The following AVEN variants were observed in gnomAD, a reference collection of about 807,000 sequenced individuals.
AVEN encodes cell death regulator Aven.
AVEN carries 41 observed loss-of-function variants against 38.1 expected under a neutral mutation model. The observed-to-expected ratio is 1.08, with a 90% CI of 0.84 to 1.40. The LOEUF is 1.40. Among genes scored for constraint, AVEN ranks in the 40% most tolerant of loss-of-function variants. AVEN has a pLI of 0.00. For missense variants in AVEN, 605 were observed against 438.8 expected (o/e 1.38, Z -3.38); for synonymous variants, 206 against 171.8 (o/e 1.20, Z -1.56).
chr15:34,027,303 T>C (rs1212321078), intron 1 of AVEN, among the ~76,000 whole-genome samples: 3 of 151,852 alleles, frequency 2.0e-5, no homozygotes, highest in Non-Finnish European at 1.5e-5. Flanking sequence ...TCACCTGAGG[T>C]CAGGAGTTCA....
intron 2 of AVEN, among the ~76,000 whole-genome samples, chr15:33,980,689 C>T (rs150613969): frequency 1.3e-5 from 2 of 152,284 alleles, no homozygotes; most frequent in African/African-American, 2.4e-5. Context: ...ACCTGCCCCA[C>T]AACTTGGCCC....
At chr15:34,041,861 C>G (rs1899489036), upstream of AVEN, among the ~76,000 whole-genome samples, 1 of 152,150 alleles carries the variant, frequency 6.6e-6, no homozygotes, top group South Asian at 2.1e-4. Flanking sequence ...TATACCAGTA[C>G]AGTCTAATTC....
Position 34,063,558 on chromosome 15 carries a change from A to T in AVEN, n.1127-126T>A, listed in dbSNP as rs914764876. 5 of 1,613,486 alleles carry T rather than the reference A, an allele frequency of 3.1e-6. No individual in the cohort carries two copies. The Admixed American group carries it at 8.3e-5, about 27-fold the overall frequency. ...ATCCTCCCGCAGGAGCACCTCCACC[A>T]CTGGGAAGCCATCCCAAGCCACTGG... On this transcript the variant is annotated intron_variant and non_coding_transcript_variant, in intron 4 of 11. Coordinates refer to the AVEN transcript ENST00000675287. This position sits in a 1 kb window ranked among gnomAD's most constrained non-coding sequence, Gnocchi z 4.1.
chr15:33,958,720 C>T (rs1895056525), intron 2 of AVEN, among the ~76,000 whole-genome samples: 1 of 152,154 alleles, frequency 6.6e-6, no homozygotes. Context: ...TCTATTTATA[C>T]TCTTTCTAAT....
At chr15:33,990,068 G>A (rs1162843803) in intron 2 of AVEN, among the ~76,000 whole-genome samples, 3 of 151,954 alleles carry the variant, frequency 2.0e-5, no homozygotes, top group African/African-American at 7.3e-5. Context: ...GCCGGGCGTG[G>A]TGGTGGGCGC....
chr15:34,063,857 G>T lies in AVEN; in HGVS notation n.1127-425C>A, dbSNP rs1161528987. 6.2e-7 allele frequency: 1 copy of T among 1,614,178 alleles called. No homozygotes were observed. The highest frequency in any genetic ancestry group is 8.5e-7 in the Non-Finnish European group (1 of 1,180,038). On this transcript the variant is annotated intron_variant and non_coding_transcript_variant, in intron 4 of 11. Coordinates refer to the AVEN transcript ENST00000675287. This position sits in a 1 kb window ranked among gnomAD's most constrained non-coding sequence, Gnocchi z 4.1. ...AGAGTCAGAAATGTGTGGCCTATAAGTTCCGATTGGTGGTAAAAGCTGACG... is the reference window on the plus strand; with the variant it reads ...AGAGTCAGAAATGTGTGGCCTATAATTTCCGATTGGTGGTAAAAGCTGACG...
downstream of AVEN, chr15:33,854,435 GT>G: frequency 6.3e-7 from 1 of 1,575,124 alleles, no homozygotes; most frequent in Non-Finnish European, 8.6e-7. Context: ...GCTTGGAGTT[GT>G]TTTTACTGAC....
chr15:33,859,088 C>A, exon 12 of AVEN: 1 of 154,558 alleles, frequency 6.5e-6, no homozygotes, highest in Non-Finnish European at 1.4e-5. Context: ...CCTAGATTGG[C>A]TCAAACCTGC....
At chr15:33,947,282 C>T (rs76626421) in intron 2 of AVEN, among the ~76,000 whole-genome samples, 4,590 of 152,212 alleles carry the variant, frequency 0.03, 199 homozygotes, top group African/African-American at 0.1. Flanking sequence ...AACCAAACAA[C>T]GAATGCTCCC....
intron 11 of AVEN, chr15:33,859,828 G>A (rs2080138070): frequency 7.8e-7 from 1 of 1,275,596 alleles, no homozygotes; most frequent in Non-Finnish European, 1.1e-6. Context: ...AGAAGCGTGT[G>A]AATTCATTTA....
chr15:33,997,251 A>G (rs894278530), intron 2 of AVEN, among the ~76,000 whole-genome samples: 6 of 152,212 alleles, frequency 3.9e-5, no homozygotes, highest in Non-Finnish European at 7.3e-5. Context: ...AGTGAATCTC[A>G]TATCAGGAGA....
intron 11 of AVEN, among the ~76,000 whole-genome samples, chr15:33,860,068 A>G (rs2080171774): frequency 6.6e-6 from 1 of 152,110 alleles, no homozygotes; most frequent in Admixed American, 6.6e-5. Context: ...GAGGTAGGGT[A>G]GGAGCAGAGG....
At chr15:33,924,687 G>A (rs1380002286) in intron 2 of AVEN, among the ~76,000 whole-genome samples, 1 of 152,112 alleles carries the variant, frequency 6.6e-6, no homozygotes, top group Non-Finnish European at 1.5e-5. Context: ...CGTTCATGGA[G>A]TTTTTCAAAG....
chr15:34,017,485 T>TG (rs1897973887), intron 1 of AVEN, among the ~76,000 whole-genome samples: 2 of 24,400 alleles, frequency 8.2e-5, no homozygotes. Context: ...TTTTTTTTTG[T>TG]TTTTTTTTTT....
intron 3 of AVEN, among the ~76,000 whole-genome samples, chr15:33,872,985 C>A (rs888504034): frequency 1.3e-5 from 2 of 152,080 alleles, no homozygotes; most frequent in East Asian, 3.9e-4. Flanking sequence ...AGCCGTGACG[C>A]CCGGTCCCTC....
At chr15:33,862,244 A>G (rs1005040468), downstream of AVEN, among the ~76,000 whole-genome samples, 5 of 152,014 alleles carry the variant, frequency 3.3e-5, no homozygotes, top group East Asian at 1.9e-4. Context: ...TAGGGTCTCA[A>G]CCCCGTTGCC....
At chr15:33,900,312 T>A (rs866261586) in intron 2 of AVEN, among the ~76,000 whole-genome samples, 10,704 of 144,410 alleles carry the variant, frequency 0.074, 509 homozygotes, top group African/African-American at 0.12. Context: ...GAGAACATTT[T>A]TTTTTTTTTT....
At chr15:33,944,012 G>C (rs960679540) in intron 2 of AVEN, among the ~76,000 whole-genome samples, 1 of 151,936 alleles carries the variant, frequency 6.6e-6, no homozygotes, top group South Asian at 2.1e-4. Context: ...AGGATTACAC[G>C]CATGAACCAC....
At chr15:33,922,699 G>C (rs1178480715) in intron 2 of AVEN, among the ~76,000 whole-genome samples, 1 of 152,184 alleles carries the variant, frequency 6.6e-6, no homozygotes, top group African/African-American at 2.4e-5. Context: ...CTAATCACAA[G>C]TGCTGTGATT....
Sources: allele counts gnomAD v4.1 joint callset (sites outside exome capture counted in the v4.1 genomes callset), GRCh38; gene constraint gnomAD v4.1.1; non-coding constraint Gnocchi (gnomAD v3.1); transcripts MANE v1.5; gene names NCBI Gene and HGNC (gene_info 2026-07-23, HGNC 2026-07-21).